The following KLHL12 variants were observed in gnomAD, a reference collection of about 807,000 sequenced individuals.
KLHL12 encodes kelch like family member 12.
Under a neutral mutation model 60.8 loss-of-function variants are expected in KLHL12, and 17 were observed. The ratio of observed to expected loss-of-function variants is 0.28; its 90% CI spans 0.19 to 0.42. The LOEUF (loss-of-function observed/expected upper bound fraction) is 0.42, where lower values mean the gene tolerates loss of function less well. Ranked by LOEUF, KLHL12 falls within the 10% of genes least tolerant of loss-of-function variation. The probability of loss-of-function intolerance (pLI) is 1.00; values close to 1 mark genes in which losing one functional copy is unlikely to be tolerated. For missense variants in KLHL12, 468 were observed against 722.3 expected, an observed-to-expected ratio of 0.65 and a Z score of 4.04; for synonymous variants, 220 against 250.9, an observed-to-expected ratio of 0.88 and a Z score of 1.16.
At chr1:202,901,794 A>G (rs1030867947) in intron 6 of KLHL12, among the ~76,000 whole-genome samples, 7 of 152,236 alleles carry the variant, frequency 4.6e-5, no homozygotes, top group African/African-American at 1.4e-4. Flanking sequence ...TGAGAGCAAC[A>G]GTGTTTCACA....
chr1:202,898,049 C>T (rs1391895887), intron 6 of KLHL12, among the ~76,000 whole-genome samples: 3 of 151,956 alleles, frequency 2.0e-5, no homozygotes, highest in Non-Finnish European at 4.4e-5. Context: ...CTTCCCCTAA[C>T]GCCTTACTCT....
rs989335472 is a variant in KLHL12 at position 202,893,795 on chromosome 1, A to G, written c.1394-370T>C. ...AATTTTTACCCAGAGTAAGTAAACTAGAACAGCACAGTGCTCTCTCCTTTT... is the reference window on the plus strand; with the variant it reads ...AATTTTTACCCAGAGTAAGTAAACTGGAACAGCACAGTGCTCTCTCCTTTT... On this transcript the variant is annotated intron_variant, in intron 10 of 11. Transcript: ENST00000367261. The surrounding 1 kb of genome is among the most constrained non-coding windows in gnomAD (Gnocchi z 4.1). Among the ~76,000 whole-genome samples, 3 of 152,236 alleles carry G rather than the reference A, an allele frequency of 2.0e-5. No homozygotes were observed. The highest frequency in any genetic ancestry group is 7.2e-5 in the African/African-American group (3 of 41,452).
intron 3 of KLHL12, among the ~76,000 whole-genome samples, chr1:202,919,204 T>C (rs1372962457): frequency 6.6e-6 from 1 of 152,168 alleles, no homozygotes; most frequent in African/African-American, 2.4e-5. Context: ...TACAGTGAGC[T>C]GTGATTGCAC....
At chr1:202,912,174 C>T (rs6692075) in intron 4 of KLHL12, 481,658 of 881,294 alleles carry the variant, frequency 0.55, 136,838 homozygotes, top group Non-Finnish European at 0.59. Context: ...AAGAACATCA[C>T]CTAAGAGATA....
chr1:202,893,451 A>T lies in KLHL12; in HGVS notation c.1394-26T>A. On this transcript the variant is annotated intron_variant, in intron 10 of 11. Transcript: ENST00000367261. The surrounding 1 kb of genome is among the most constrained non-coding windows in gnomAD (Gnocchi z 4.1). The stretch of plus-strand genomic sequence containing the variant: ...CTGGGGAAAATGAATGCATTAGCAA[A>T]TGTATGGTACTAAGCCTAGAATCTG... 1 of 1,576,342 alleles carries T rather than the reference A, an allele frequency of 6.3e-7. No homozygotes were observed. Among genetic ancestry groups the T allele is most frequent in the Non-Finnish European group, 8.7e-7 (1 of 1,150,418 alleles).
At chr1:202,897,845 C>T (rs1659889296) in intron 6 of KLHL12, among the ~76,000 whole-genome samples, 2 of 152,124 alleles carry the variant, frequency 1.3e-5, no homozygotes, top group African/African-American at 4.8e-5. Context: ...GCTGGGATTA[C>T]AGGAATGAGT....
intron 4 of KLHL12, chr1:202,912,455 A>G: frequency 1.2e-6 from 1 of 858,122 alleles, no homozygotes. Flanking sequence ...TTGGCATGAC[A>G]GCCGTGGTGG....
At chr1:202,917,355 C>G (rs1194218043) in intron 4 of KLHL12, among the ~76,000 whole-genome samples, 1 of 152,190 alleles carries the variant, frequency 6.6e-6, no homozygotes, top group African/African-American at 2.4e-5. Context: ...GCTGGGACCA[C>G]AGGTGCTCAC....
At chr1:202,918,460 T>G in intron 3 of KLHL12, 72 bp from the exon 4 acceptor site, 2 of 1,132,458 alleles carry the variant, frequency 1.8e-6, no homozygotes, top group Non-Finnish European at 1.3e-6. Context: ...TTCTTGTATC[T>G]CAGCATCTTC....
intron 5 of KLHL12, among the ~76,000 whole-genome samples, chr1:202,910,743 T>A (rs1660328043): frequency 6.6e-6 from 1 of 152,134 alleles, no homozygotes; most frequent in African/African-American, 2.4e-5. Flanking sequence ...TTGGAACAAT[T>A]TATGTTTAAT....
intron 6 of KLHL12, among the ~76,000 whole-genome samples, chr1:202,903,162 A>G (rs1660066943): frequency 8.1e-6 from 1 of 122,974 alleles, no homozygotes; most frequent in Non-Finnish European, 1.6e-5. Flanking sequence ...CTTGTCTCAA[A>G]AAAAAAAAAA....
At chr1:202,918,630 A>C (rs1459323015) in intron 3 of KLHL12, among the ~76,000 whole-genome samples, 2 of 152,268 alleles carry the variant, frequency 1.3e-5, no homozygotes, top group East Asian at 3.8e-4. Flanking sequence ...GAGTATTGCA[A>C]GATGAATCAC....
chr1:202,894,777 AT>A, intron 8 of KLHL12, 28 bp from the exon 9 acceptor site: 1 of 1,579,498 alleles, frequency 6.3e-7, no homozygotes, highest in Non-Finnish European at 8.7e-7. Flanking sequence ...ATTACAGACT[AT>A]TAGAGAATGA....
chr1:202,896,010 A>G (rs146435055), intron 7 of KLHL12, among the ~76,000 whole-genome samples: 1 of 152,322 alleles, frequency 6.6e-6, no homozygotes, highest in African/African-American at 2.4e-5. Context: ...TCTCTTCCAT[A>G]AGGCACTGGG....
rs951695987 is a variant in KLHL12, at chr1:202,920,369, A to ATT, written c.196-463_196-462dup. Among the ~76,000 whole-genome samples, 472 of 83,780 alleles carry ATT rather than the reference A, an allele frequency of 5.6e-3. 7 individuals are homozygous for ATT. The highest frequency in any genetic ancestry group is 8.4e-3 in the African/African-American group (178 of 21,072). The allele number at this position is 83,780 out of a possible 152,430, so 55.0% of individuals were successfully genotyped here. On this transcript the variant is annotated intron_variant, in intron 2 of 11. Transcript: ENST00000367261. ...ATAAAATTATGCTCTATTTTGTTGG[A>ATT]TTTTTTTTTTTTTTTTTTTTTTTTT...
chr1:202,917,311 C>A (rs1660551772), intron 4 of KLHL12, among the ~76,000 whole-genome samples: 2 of 152,200 alleles, frequency 1.3e-5, no homozygotes, highest in African/African-American at 4.8e-5. Context: ...AACTCCCAGG[C>A]TCCAGAGATC....
chr1:202,926,603 T>C (rs1177945971), intron 1 of KLHL12, among the ~76,000 whole-genome samples: 1 of 152,180 alleles, frequency 6.6e-6, no homozygotes, highest in Admixed American at 6.5e-5. Flanking sequence ...CGGGGGGTCT[T>C]TTATCGTTTC....
rs769356851 is a variant in KLHL12 at position 202,924,959 on chromosome 1, A to T, written c.195+9T>A. ...GGTTTCATTTGTGTGGGGCTAATTT[A>T]CCACTTACCTCACTAGTGAACATGG... On this transcript the variant is annotated intron_variant, in intron 2 of 11. Coordinates refer to ENST00000367261, the MANE Select transcript of KLHL12 (RefSeq NM_021633.4). 1.9e-6 allele frequency: 3 copies of T among 1,609,700 alleles called. No individual in the cohort carries two copies. The highest frequency in any genetic ancestry group is 2.7e-5 in the African/African-American group (2 of 74,836).
At chr1:202,894,068 G>A in intron 10 of KLHL12, 116 bp downstream of exon 10, 1 of 599,956 alleles carries the variant, frequency 1.7e-6, no homozygotes, top group Non-Finnish European at 3.0e-6. Flanking sequence ...CAGAGACAAG[G>A]AGGAGAGCAG....
Sources: gnomAD v4.1 joint callset for allele counts (sites outside exome capture counted in the v4.1 genomes callset) on GRCh38, gnomAD v4.1.1 for gene constraint, Gnocchi (gnomAD v3.1) non-coding constraint, MANE v1.5 for transcripts, NCBI Gene and HGNC (gene_info 2026-07-23, HGNC 2026-07-21) for gene names.